The following ZBTB20 variants were observed in gnomAD, a reference collection of about 807,000 sequenced individuals.
ZBTB20 encodes the protein zinc finger and BTB domain-containing protein 20.
A neutral mutation model predicts 56.9 loss-of-function variants in ZBTB20; 9 were observed. The observed-to-expected ratio is 0.16, with a 90% CI of 0.10 to 0.28. The LOEUF (loss-of-function observed/expected upper bound fraction) is 0.28. ZBTB20 is among the 10% of genes least tolerant of loss of function. The pLI, the probability that ZBTB20 is intolerant of heterozygous loss-of-function variation, is 1.00. For synonymous variants in ZBTB20, 417 were observed against 420.7 expected, an observed-to-expected ratio of 0.99 and a Z score of 0.11; for missense variants, 655 against 1,003.0, an observed-to-expected ratio of 0.65 and a Z score of 4.69.
rs369861429 is a variant in ZBTB20 at position 115,048,048 on chromosome 3, A to C, written c.-507+23171T>G. 6.7e-3 allele frequency among the ~76,000 whole-genome samples: 1,016 copies of C among 151,522 alleles called. 13 individuals are homozygous for C. Among genetic ancestry groups the C allele is most frequent in the African/African-American group, 0.023 (966 of 41,292 alleles). On this transcript the variant is annotated intron_variant, in intron 2 of 11. Coordinates refer to ENST00000675478, the MANE Select transcript of ZBTB20 (RefSeq NM_001348800.3). ...ATCCTGGCTAACACGGTGAAACCCCAGTCTCTACTAAAAATACAAAAAAAA... is the reference window on the plus strand; with the variant it reads ...ATCCTGGCTAACACGGTGAAACCCCCGTCTCTACTAAAAATACAAAAAAAA...
intron 7 of ZBTB20, among the ~76,000 whole-genome samples, chr3:114,408,301 C>G (rs961389793): frequency 1.3e-5 from 2 of 152,184 alleles, no homozygotes; most frequent in African/African-American, 2.4e-5. Context: ...AAGGTTACTG[C>G]AGACTAAAGC....
At chr3:114,769,289 A>C (rs1189515453) in intron 5 of ZBTB20, among the ~76,000 whole-genome samples, 1 of 151,926 alleles carries the variant, frequency 6.6e-6, no homozygotes, top group Non-Finnish European at 1.5e-5. Flanking sequence ...TAGCAGCACA[A>C]TTCACAATTG....
intron 4 of ZBTB20, among the ~76,000 whole-genome samples, chr3:114,804,877 T>C (rs989540258): frequency 5.9e-5 from 9 of 151,910 alleles, no homozygotes; most frequent in African/African-American, 2.2e-4. Flanking sequence ...AAAATAATAG[T>C]AATTCTTTAA....
chr3:114,471,987 T>G (rs2040183875), intron 7 of ZBTB20, among the ~76,000 whole-genome samples: 1 of 152,096 alleles, frequency 6.6e-6, no homozygotes, highest in African/African-American at 2.4e-5. Context: ...AAGGGGATGA[T>G]AGTGACACAA....
chr3:114,603,695 G>C (rs2056929703), intron 6 of ZBTB20, among the ~76,000 whole-genome samples: 1 of 151,736 alleles, frequency 6.6e-6, no homozygotes, highest in South Asian at 2.1e-4. Context: ...AAATACATAA[G>C]AGAAAGACTA....
chr3:114,511,387 C>A (rs1332024450), intron 6 of ZBTB20, among the ~76,000 whole-genome samples: 1 of 152,056 alleles, frequency 6.6e-6, no homozygotes, highest in African/African-American at 2.4e-5. Context: ...AGTAACATGG[C>A]TTCAGAGTTT....
intron 5 of ZBTB20, among the ~76,000 whole-genome samples, chr3:114,753,319 G>A (rs572364463): frequency 7.4e-6 from 1 of 134,316 alleles, no homozygotes; most frequent in African/African-American, 2.9e-5. Flanking sequence ...ATGTATATAT[G>A]TATACCTGTA....
chr3:114,773,693 A>T (rs1007203730), intron 5 of ZBTB20, among the ~76,000 whole-genome samples: 2 of 152,182 alleles, frequency 1.3e-5, no homozygotes, highest in African/African-American at 2.4e-5. Context: ...AAGAGCTTGA[A>T]AGTTTATAAA....
At chr3:114,367,535 A>C (rs1362153901) in intron 10 of ZBTB20, among the ~76,000 whole-genome samples, 2 of 152,236 alleles carry the variant, frequency 1.3e-5, no homozygotes. Flanking sequence ...TTGGGATTAC[A>C]GGCGTGAGCC....
chr3:114,551,581 T>TA (rs1197600232), intron 6 of ZBTB20, among the ~76,000 whole-genome samples: 1 of 152,082 alleles, frequency 6.6e-6, no homozygotes, highest in African/African-American at 2.4e-5. Context: ...GAAATGAAGA[T>TA]AGAGATATAC....
At chr3:114,918,845 G>A (rs114200149) in intron 3 of ZBTB20, among the ~76,000 whole-genome samples, 3,585 of 152,278 alleles carry the variant, frequency 0.024, 143 homozygotes, top group African/African-American at 0.082. Context: ...AGGGGTGGCA[G>A]AAGCCCTCCC....
rs1326371065 is a variant in ZBTB20 at position 114,322,619 on chromosome 3, T to C, written c.*16386A>G. 2 of 152,202 alleles carry C rather than the reference T, an allele frequency of 1.3e-5. No homozygotes were observed. The highest frequency in any genetic ancestry group is 2.9e-5 in the Non-Finnish European group (2 of 68,042). The allele number at this position is 152,202 out of a possible 1,614,324, so 9.4% of individuals were successfully genotyped here. A position where few individuals can be genotyped will look rare whatever the true frequency, so the allele number is the denominator to read the frequency against. On this transcript the variant is annotated 3_prime_UTR_variant, in exon 12 of 12. Coordinates refer to ENST00000675478, the MANE Select transcript of ZBTB20 (RefSeq NM_001348800.3). ...AAGTCAATCATTTCTTTCTATAGCT[T>C]TGGTTTGGTGCAGTCAATGTCCTCT...
intron 7 of ZBTB20, among the ~76,000 whole-genome samples, chr3:114,408,938 C>T (rs1004762270): frequency 2.6e-5 from 4 of 151,996 alleles, no homozygotes; most frequent in African/African-American, 7.2e-5. Flanking sequence ...GTCCGCCGTC[C>T]GCTCCTGGTG....
At chr3:114,812,271 T>A (rs1382135653) in intron 4 of ZBTB20, among the ~76,000 whole-genome samples, 1 of 152,152 alleles carries the variant, frequency 6.6e-6, no homozygotes, top group East Asian at 1.9e-4. Flanking sequence ...GGGTGCTGAT[T>A]GGTGCGTTTA....
rs1040918567 is a variant in ZBTB20, at chr3:114,329,701, T to C, written c.*9304A>G. 3.2e-5 allele frequency: 4 copies of C among 125,156 alleles called. No homozygotes were observed. The highest frequency in any genetic ancestry group is 6.7e-5 in the Non-Finnish European group (4 of 59,942). 7.8% of individuals were successfully genotyped at this position (125,156 alleles called of 1,614,324 possible). On this transcript the variant is annotated 3_prime_UTR_variant, in exon 12 of 12. Coordinates refer to ENST00000675478, the MANE Select transcript of ZBTB20 (RefSeq NM_001348800.3). ...AGAGTTCCTGAAACTCTGGTTTTAC[T>C]TTTTTTGGAAAAAAAAAAAAAAAAA...
chr3:114,521,773 A>G (rs1041516927), intron 6 of ZBTB20, among the ~76,000 whole-genome samples: 1 of 152,198 alleles, frequency 6.6e-6, no homozygotes, highest in Non-Finnish European at 1.5e-5. Context: ...TGGCCTATCT[A>G]AGATTCTGGA....
chr3:114,694,337 G>T (rs1418549642), intron 5 of ZBTB20, among the ~76,000 whole-genome samples: 1 of 151,912 alleles, frequency 6.6e-6, no homozygotes, highest in Non-Finnish European at 1.5e-5. Flanking sequence ...CATCTAACAG[G>T]CAGCAGTCTA....
At chr3:114,805,084 A>G (rs2072004437) in intron 4 of ZBTB20, among the ~76,000 whole-genome samples, 1 of 151,904 alleles carries the variant, frequency 6.6e-6, no homozygotes, top group Non-Finnish European at 1.5e-5. Context: ...AGAATTATGG[A>G]AAAGTTGCAA....
At chr3:115,020,374 C>G (rs1023008009) in intron 2 of ZBTB20, among the ~76,000 whole-genome samples, 1 of 150,992 alleles carries the variant, frequency 6.6e-6, no homozygotes, top group South Asian at 2.1e-4. Context: ...TTTGTTAAAT[C>G]CCATGAAAGT....
Sources: allele counts gnomAD v4.1 joint callset (sites outside exome capture counted in the v4.1 genomes callset), GRCh38; gene constraint gnomAD v4.1.1; transcripts MANE v1.5; gene names NCBI Gene and HGNC (gene_info 2026-07-23, HGNC 2026-07-21).